The following KLF12 variants were observed in gnomAD, a reference collection of about 807,000 sequenced individuals.
The protein encoded by KLF12 is Krueppel-like factor 12.
KLF12 carries 9 observed loss-of-function variants against 37.8 expected under a neutral mutation model. The observed-to-expected ratio is 0.24, with a 90% CI of 0.14 to 0.42. KLF12 has a LOEUF of 0.42. KLF12 is among the 10% of genes least tolerant of loss of function. The pLI is 1.00. For synonymous variants in KLF12, 208 were observed against 202.1 expected (o/e 1.03, Z -0.25); for missense variants, 411 against 516.0 (o/e 0.80, Z 1.97).
the KLF12 span, among the ~76,000 whole-genome samples, chr13:74,260,134 ACACT>A: frequency 5.1e-4 from 78 of 152,300 alleles, no homozygotes; most frequent in African/African-American, 1.8e-3. Context: ...AAATACACAC[ACACT>A]CACACACACA....
At chr13:74,188,180 T>C in the KLF12 span, among the ~76,000 whole-genome samples, 1 of 152,188 alleles carries the variant, frequency 6.6e-6, no homozygotes, top group Non-Finnish European at 1.5e-5. Flanking sequence ...GATTCTTAGA[T>C]AAGTTTTGTA....
chr13:74,106,352 ATTACT>A (rs1876648937), intron 1 of KLF12, among the ~76,000 whole-genome samples: 1 of 152,208 alleles, frequency 6.6e-6, no homozygotes, highest in African/African-American at 2.4e-5. Flanking sequence ...AACATCATTT[ATTACT>A]TTAAATACTG....
intron 1 of KLF12, among the ~76,000 whole-genome samples, chr13:74,088,222 A>G (rs545645326): frequency 6.6e-6 from 1 of 152,226 alleles, no homozygotes; most frequent in African/African-American, 2.4e-5. Context: ...TTTCAGAGGA[A>G]TTTAACCCAC....
intron 3 of KLF12, among the ~76,000 whole-genome samples, chr13:73,857,133 C>A (rs1885653822): frequency 6.6e-6 from 1 of 152,120 alleles, no homozygotes; most frequent in Admixed American, 6.5e-5. Context: ...TGTTGGAACA[C>A]CAGAAGCAGC....
intron 1 of KLF12, among the ~76,000 whole-genome samples, chr13:74,083,730 T>C (rs1433500909): frequency 1.3e-5 from 2 of 152,144 alleles, no homozygotes; most frequent in Non-Finnish European, 2.9e-5. Flanking sequence ...CATAATTGAG[T>C]AATGGCAATT....
At chr13:73,998,268 G>A (rs1232105548) in intron 1 of KLF12, among the ~76,000 whole-genome samples, 1 of 152,088 alleles carries the variant, frequency 6.6e-6, no homozygotes, top group African/African-American at 2.4e-5. Context: ...GATCTATTAT[G>A]TTCTCAGTCT....
intron 1 of KLF12, among the ~76,000 whole-genome samples, chr13:74,052,122 A>G (rs1340707789): frequency 6.6e-6 from 1 of 151,988 alleles, no homozygotes; most frequent in African/African-American, 2.4e-5. Context: ...TTACCTTTCT[A>G]TGCCTCAGTT....
At chr13:74,257,517 G>T in the KLF12 span, 1 of 152,160 alleles carries the variant, frequency 6.6e-6, no homozygotes. Flanking sequence ...AACATGTATG[G>T]ATGGAAAACC....
chr13:73,916,222 CA>C (rs1888826046), intron 3 of KLF12, among the ~76,000 whole-genome samples: 3 of 35,162 alleles, frequency 8.5e-5, no homozygotes, highest in African/African-American at 1.6e-4. Flanking sequence ...CACACACACA[CA>C]CACACACACA....
At chr13:74,187,027 G>A in the KLF12 span, among the ~76,000 whole-genome samples, 1 of 152,150 alleles carries the variant, frequency 6.6e-6, no homozygotes, top group Non-Finnish European at 1.5e-5. Context: ...GCACATAGAA[G>A]GTGCAACAAA....
chr13:74,266,130 A>C, the KLF12 span, among the ~76,000 whole-genome samples: 1 of 152,142 alleles, frequency 6.6e-6, no homozygotes, highest in Non-Finnish European at 1.5e-5. Context: ...AGTGCAATCA[A>C]CTCTACCTGG....
chr13:73,963,147 A>T (rs1005867779), intron 2 of KLF12, among the ~76,000 whole-genome samples: 1 of 152,198 alleles, frequency 6.6e-6, no homozygotes, highest in Non-Finnish European at 1.5e-5. Flanking sequence ...TACTTATTAA[A>T]TAAAAGATTA....
intron 2 of KLF12, among the ~76,000 whole-genome samples, chr13:73,946,715 A>T (rs1890439059): frequency 6.6e-6 from 1 of 152,232 alleles, no homozygotes; most frequent in African/African-American, 2.4e-5. Context: ...CAGCTGGGGA[A>T]CTAAGCTTCA....
the KLF12 span, among the ~76,000 whole-genome samples, chr13:74,166,087 C>CT: frequency 0.51 from 53,120 of 103,466 alleles, 14,874 homozygotes; most frequent in East Asian, 0.73. Context: ...GCATAAACAC[C>CT]TTTTTTTTTT....
chr13:74,112,779 A>C (rs1877058567), intron 1 of KLF12, among the ~76,000 whole-genome samples: 1 of 152,196 alleles, frequency 6.6e-6, no homozygotes, highest in Non-Finnish European at 1.5e-5. Context: ...CAAGTAAAAG[A>C]AAGCATCACC....
chr13:74,171,106 T>C, the KLF12 span, among the ~76,000 whole-genome samples: 6 of 152,176 alleles, frequency 3.9e-5, no homozygotes, highest in Non-Finnish European at 8.8e-5. Flanking sequence ...ATGAGCAAAT[T>C]ATAAAGCTCG....
intron 1 of KLF12, among the ~76,000 whole-genome samples, chr13:74,068,468 G>A (rs1465940199): frequency 6.6e-6 from 1 of 152,064 alleles, no homozygotes; most frequent in Non-Finnish European, 1.5e-5. Context: ...CTCCATCTAG[G>A]GATTCATGCT....
chr13:74,189,081 T>C, the KLF12 span, among the ~76,000 whole-genome samples: 38 of 152,288 alleles, frequency 2.5e-4, no homozygotes, highest in South Asian at 6.6e-3. Context: ...CTGTGCCTCA[T>C]GAATATGCAA....
the KLF12 span, among the ~76,000 whole-genome samples, chr13:74,260,628 T>TAAAATAAAATAAAATAAA: frequency 2.9e-5 from 4 of 140,070 alleles, no homozygotes; most frequent in African/African-American, 1.1e-4. Flanking sequence ...TAAAATAAAA[T>TAAAATAAAATAAAATAAA]AGTGAATTAA....
Sources: gnomAD v4.1 joint callset for allele counts (sites outside exome capture counted in the v4.1 genomes callset) on GRCh38, gnomAD v4.1.1 for gene constraint, MANE v1.5 for transcripts, NCBI Gene and HGNC (gene_info 2026-07-23, HGNC 2026-07-21) for gene names.